Variants in ARFGEF1 observed in about 807,000 individuals in gnomAD.
ARFGEF1 encodes the protein ARF guanine nucleotide exchange factor 1, also known as brefeldin A-inhibited guanine nucleotide-exchange protein 1.
A neutral mutation model predicts 231.0 loss-of-function variants in ARFGEF1; 42 were observed. That is an observed-to-expected ratio of 0.18 (90% CI 0.14 to 0.24). The LOEUF is 0.24. Among genes scored for constraint, ARFGEF1 ranks in the 10% least tolerant of loss-of-function variants. The pLI, the probability that ARFGEF1 is intolerant of heterozygous loss-of-function variation, is 1.00. For missense variants in ARFGEF1, 1,345 were observed against 2,192.0 expected (o/e 0.61, Z 7.72); for synonymous variants, 710 against 732.3 (o/e 0.97, Z 0.49).
At chr8:67,200,099 G>A (rs561411019) in intron 38 of ARFGEF1, 7 of 391,784 alleles carry the variant, frequency 1.8e-5, no homozygotes, top group Non-Finnish European at 3.5e-5. Flanking sequence ...TGGGGCAAAG[G>A]GGGAGATTCC....
chr8:67,227,658 CTTTA>C (rs1404128296), intron 25 of ARFGEF1, 60 bp from the exon 26 acceptor site: 3 of 1,550,588 alleles, frequency 1.9e-6, no homozygotes, highest in African/African-American at 1.4e-5. Flanking sequence ...ATCTACAATT[CTTTA>C]TTTTTTGTTT....
Position 67,201,507 on chromosome 8 carries a change from G to A in ARFGEF1, c.5227C>T (p.Arg1743Cys), listed in dbSNP as rs758636963. ...ILFRMYMDES[R>C]VSAWEEVQQR... ...TGGACCTCCTCCCAGGCACTAACGC[G>A]GCTCTCATCCATGTACATCCGGAAG... Residue 1743 changes from arginine to cysteine, a missense_variant, in exon 37 of 39, where the codon CGC (arginine) becomes TGC (cysteine). Coordinates refer to ENST00000262215, the MANE Select transcript of ARFGEF1 (RefSeq NM_006421.5). 1.9e-6 allele frequency: 3 copies of A among 1,611,784 alleles called. No individual in the cohort carries two copies. The highest frequency in any genetic ancestry group is 2.5e-6 in the Non-Finnish European group (3 of 1,179,132).
intron 5 of ARFGEF1, among the ~76,000 whole-genome samples, chr8:67,185,036 C>T (rs1344765468): frequency 1.4e-4 from 20 of 146,868 alleles, no homozygotes; most frequent in Admixed American, 2.7e-4. Context: ...ACCCGGGAGG[C>T]GGAGCTTGCA....
At chr8:67,276,674 C>A (rs1208711303) in intron 8 of ARFGEF1, among the ~76,000 whole-genome samples, 2 of 152,116 alleles carry the variant, frequency 1.3e-5, no homozygotes, top group Non-Finnish European at 2.9e-5. Flanking sequence ...TTCTTTGCAG[C>A]CCTGAACAAA....
At chr8:67,201,667 G>GC (rs1420408872) in intron 36 of ARFGEF1, 62 bp from the exon 37 acceptor site, 12 of 1,597,876 alleles carry the variant, frequency 7.5e-6, no homozygotes, top group Non-Finnish European at 1.0e-5. Context: ...AGGTGAAACA[G>GC]CCCGTATGGA....
chr8:67,262,241 G>A (rs1048832415), intron 14 of ARFGEF1, among the ~76,000 whole-genome samples: 95 of 152,266 alleles, frequency 6.2e-4, no homozygotes, highest in Admixed American at 2.0e-3. Flanking sequence ...CCTTATGGAC[G>A]ATTTTCAGGA....
At chr8:67,312,940 C>A (rs976844251) in intron 1 of ARFGEF1, among the ~76,000 whole-genome samples, 3 of 152,016 alleles carry the variant, frequency 2.0e-5, no homozygotes, top group East Asian at 1.9e-4. Flanking sequence ...TCCAGCAGAA[C>A]AATCAAAATG....
chr8:67,222,162 T>TGC (rs1839188770), intron 29 of ARFGEF1, among the ~76,000 whole-genome samples: 1 of 133,834 alleles, frequency 7.5e-6, no homozygotes, highest in Non-Finnish European at 1.5e-5. Context: ...ACCTTTTCCA[T>TGC]GCATATATAT....
chr8:67,293,090 G>T (rs1806079073), intron 5 of ARFGEF1, among the ~76,000 whole-genome samples: 1 of 152,068 alleles, frequency 6.6e-6, no homozygotes, highest in African/African-American at 2.4e-5. Context: ...TCAACATCTG[G>T]CTTAGAAGAT....
intron 8 of ARFGEF1, 133 bp downstream of exon 8, chr8:67,277,149 G>T: frequency 1.1e-6 from 1 of 919,386 alleles, no homozygotes; most frequent in Non-Finnish European, 1.6e-6. Flanking sequence ...AAAACCCCAA[G>T]TTTCTTATTT....
intron 23 of ARFGEF1, 80 bp from the exon 24 acceptor site, chr8:67,228,344 C>T: frequency 7.4e-7 from 1 of 1,347,878 alleles, no homozygotes; most frequent in Non-Finnish European, 1.0e-6. Flanking sequence ...GCATGGGGTA[C>T]TAGCTATTTT....
At chr8:67,285,063 A>G (rs1287658733) in intron 7 of ARFGEF1, among the ~76,000 whole-genome samples, 1 of 151,208 alleles carries the variant, frequency 6.6e-6, no homozygotes, top group African/African-American at 2.4e-5. Flanking sequence ...ATCAAATAAT[A>G]AAAGAATTCA....
intron 1 of ARFGEF1, among the ~76,000 whole-genome samples, chr8:67,310,754 G>A (rs1195859612): frequency 6.7e-5 from 10 of 148,654 alleles, no homozygotes; most frequent in South Asian, 4.3e-4. Flanking sequence ...CCGCGACCCC[G>A]TCTGGGAGGT....
intron 33 of ARFGEF1, among the ~76,000 whole-genome samples, chr8:67,215,268 A>G (rs901718429): frequency 6.6e-6 from 1 of 152,122 alleles, no homozygotes; most frequent in African/African-American, 2.4e-5. Flanking sequence ...GGGATTTTGG[A>G]CATAGTGTTG....
At chr8:67,276,444 C>T (rs576614948) in intron 8 of ARFGEF1, among the ~76,000 whole-genome samples, 41 of 152,252 alleles carry the variant, frequency 2.7e-4, no homozygotes, top group African/African-American at 9.9e-4. Flanking sequence ...ATACTCCCTA[C>T]TACCTGTCAC....
At chr8:67,186,534 A>G (rs1834653664) in intron 5 of ARFGEF1, among the ~76,000 whole-genome samples, 1 of 152,158 alleles carries the variant, frequency 6.6e-6, no homozygotes, top group Admixed American at 6.5e-5. Context: ...TAGAGGGGGA[A>G]CTTCTGCAAC....
Position 67,317,685 on chromosome 8 carries a change from T to C in ARFGEF1, c.125-15219A>G, listed in dbSNP as rs1587304623. Among the ~76,000 whole-genome samples, 5 of 144,634 alleles carry C rather than the reference T, an allele frequency of 3.5e-5. No individual in the cohort carries two copies. The Admixed American group carries it at 3.5e-4, about 10-fold the overall frequency. 94.9% of individuals were successfully genotyped at this position (144,634 alleles called of 152,430 possible). A position where few individuals can be genotyped will look rare whatever the true frequency, so the allele number is the denominator to read the frequency against. On this transcript the variant is annotated intron_variant, in intron 1 of 38. Transcript: ENST00000262215. Reference sequence around the variant, plus strand: ...CAGCACTTTGGGAGGCTGAAGCAGGTGGATCACCTGAGGTCGGGAGTTCGA... The same window carrying C: ...CAGCACTTTGGGAGGCTGAAGCAGGCGGATCACCTGAGGTCGGGAGTTCGA...
At chr8:67,200,231 T>G in intron 38 of ARFGEF1, 165 bp downstream of exon 38, 3 of 684,990 alleles carry the variant, frequency 4.4e-6, no homozygotes, top group Non-Finnish European at 8.1e-6. Flanking sequence ...AAGCAAGGAC[T>G]GAGGAAGATA....
intron 25 of ARFGEF1, 30 bp from the exon 26 acceptor site, chr8:67,227,628 A>G (rs769958801): frequency 1.3e-5 from 20 of 1,596,004 alleles, no homozygotes; most frequent in Non-Finnish European, 1.5e-5. Flanking sequence ...AAACGATGCT[A>G]ATTAATATCA....
Sources: allele counts gnomAD v4.1 joint callset (sites outside exome capture counted in the v4.1 genomes callset), GRCh38; gene constraint gnomAD v4.1.1; transcripts MANE v1.5; gene names NCBI Gene and HGNC (gene_info 2026-07-23, HGNC 2026-07-21).